The following CNTNAP2 variants were observed in gnomAD, a reference collection of about 807,000 sequenced individuals.
CNTNAP2 encodes the protein contactin-associated protein-like 2.
CNTNAP2 carries 98 observed loss-of-function variants against 155.2 expected under a neutral mutation model. That is an observed-to-expected ratio of 0.63 (90% CI 0.54 to 0.75). The LOEUF (loss-of-function observed/expected upper bound fraction) is 0.75, where lower values mean the gene tolerates loss of function less well. Among genes scored for constraint, CNTNAP2 ranks in the 30% least tolerant of loss-of-function variants. The pLI, the probability that CNTNAP2 is intolerant of heterozygous loss-of-function variation, is 0.00. For missense variants in CNTNAP2, 1,727 were observed against 1,688.1 expected (o/e 1.02, Z -0.40); for synonymous variants, 651 against 631.2 (o/e 1.03, Z -0.47).
intron 19 of CNTNAP2, among the ~76,000 whole-genome samples, chr7:148,221,707 G>T (rs1263333499): frequency 7.2e-5 from 11 of 152,068 alleles, no homozygotes; most frequent in Non-Finnish European, 1.5e-5. Context: ...TTCACATATC[G>T]AAAGCTCTGC....
intron 3 of CNTNAP2, among the ~76,000 whole-genome samples, chr7:146,949,763 T>A (rs1797269624): frequency 6.6e-6 from 1 of 152,182 alleles, no homozygotes; most frequent in African/African-American, 2.4e-5. Flanking sequence ...TGCTTTGATG[T>A]TGAGGCACTT....
In CNTNAP2 at chr7:146,539,607, A is replaced by C. The variant is rs571561182; in HGVS notation, c.98-234664A>C. Among the ~76,000 whole-genome samples the C allele has an allele frequency of 3.3e-5, 5 of 152,214 alleles. No homozygotes were observed. The East Asian group carries it at 9.7e-4, about 29-fold the overall frequency. On this transcript the variant is annotated intron_variant, in intron 1 of 23. Transcript: ENST00000361727. ...GACTAAATTGTGCATCTTATGGAGC[A>C]GTGCTGTTTGTTTTCTTTTAACCTG...
intron 15 of CNTNAP2, among the ~76,000 whole-genome samples, chr7:148,102,335 T>C (rs1804118376): frequency 6.6e-6 from 1 of 152,248 alleles, no homozygotes; most frequent in Admixed American, 6.5e-5. Context: ...TAGTATTCCA[T>C]GGTGTATATG....
intron 1 of CNTNAP2, among the ~76,000 whole-genome samples, chr7:146,690,469 T>C (rs903468287): frequency 1.3e-5 from 2 of 152,200 alleles, no homozygotes; most frequent in African/African-American, 4.8e-5. Context: ...CACAAGTCTA[T>C]TGAAACATGA....
chr7:147,224,127 TG>T (rs779326087), intron 8 of CNTNAP2, among the ~76,000 whole-genome samples: 1 of 152,096 alleles, frequency 6.6e-6, no homozygotes, highest in Non-Finnish European at 1.5e-5. Flanking sequence ...CTCTTTAATC[TG>T]GGGGGCAGCA....
chr7:146,912,609 A>G (rs1283280074), intron 3 of CNTNAP2, among the ~76,000 whole-genome samples: 5 of 152,076 alleles, frequency 3.3e-5, no homozygotes, highest in Admixed American at 2.6e-4. Flanking sequence ...TTTATTTGTA[A>G]TATCCCCTTT....
At chr7:147,599,033 C>T (rs917028523) in intron 12 of CNTNAP2, among the ~76,000 whole-genome samples, 3 of 151,998 alleles carry the variant, frequency 2.0e-5, no homozygotes, top group African/African-American at 7.3e-5. Flanking sequence ...ATTAGCAGCT[C>T]GAGAATGAAC....
intron 1 of CNTNAP2, among the ~76,000 whole-genome samples, chr7:146,217,880 C>A (rs954363293): frequency 2.0e-5 from 3 of 152,078 alleles, no homozygotes; most frequent in African/African-American, 7.2e-5. Flanking sequence ...TAATGTTGTT[C>A]CCCTCTTAAC....
intron 1 of CNTNAP2, among the ~76,000 whole-genome samples, chr7:146,698,448 T>C (rs1800820471): frequency 6.6e-6 from 1 of 152,146 alleles, no homozygotes; most frequent in Admixed American, 6.6e-5. Context: ...TATTTGTTTT[T>C]ATTTAAATAT....
chr7:147,585,452 TTA>T (rs1433173420), intron 12 of CNTNAP2, among the ~76,000 whole-genome samples: 1 of 149,424 alleles, frequency 6.7e-6, no homozygotes, highest in Admixed American at 6.7e-5. Flanking sequence ...TTGTATACAA[TTA>T]TATATGTGTA....
At chr7:146,351,566 A>T (rs1052810476) in intron 1 of CNTNAP2, among the ~76,000 whole-genome samples, 3 of 152,142 alleles carry the variant, frequency 2.0e-5, no homozygotes, top group African/African-American at 7.2e-5. Flanking sequence ...TAGAAAGTTT[A>T]CCTGTATCAT....
chr7:147,490,792 C>T (rs1798594695), intron 11 of CNTNAP2, among the ~76,000 whole-genome samples: 1 of 152,116 alleles, frequency 6.6e-6, no homozygotes, highest in African/African-American at 2.4e-5. Context: ...AGGGGTTTGA[C>T]TCACAGTTCC....
At chr7:147,347,500 A>ATATATATGCATATATATG (rs1795898083) in intron 9 of CNTNAP2, among the ~76,000 whole-genome samples, 1 of 121,346 alleles carries the variant, frequency 8.2e-6, no homozygotes, top group African/African-American at 2.7e-5. Context: ...ATGCATATAT[A>ATATATATGCATATATATG]TGTGTGTGTG....
chr7:146,306,690 A>G (rs1365715919), intron 1 of CNTNAP2, among the ~76,000 whole-genome samples: 3 of 152,204 alleles, frequency 2.0e-5, no homozygotes, highest in African/African-American at 7.2e-5. Context: ...ACACAAATCA[A>G]TAAATGTAAT....
intron 12 of CNTNAP2, among the ~76,000 whole-genome samples, chr7:147,608,060 A>G (rs1192233663): frequency 6.6e-6 from 1 of 152,090 alleles, no homozygotes; most frequent in Non-Finnish European, 1.5e-5. Context: ...TTTGTTATTC[A>G]TCTTCACGTG....
intron 1 of CNTNAP2, among the ~76,000 whole-genome samples, chr7:146,310,550 G>T (rs1800801904): frequency 1.3e-5 from 2 of 151,652 alleles, no homozygotes; most frequent in African/African-American, 4.8e-5. Flanking sequence ...GTCTTCTTTG[G>T]CTATTTTGAT....
At chr7:146,601,661 T>C (rs922605380) in intron 1 of CNTNAP2, among the ~76,000 whole-genome samples, 1 of 152,142 alleles carries the variant, frequency 6.6e-6, no homozygotes, top group African/African-American at 2.4e-5. Flanking sequence ...TGCGAAATTA[T>C]GTTGAAGAAA....
chr7:146,775,797 T>C (rs542596381), intron 2 of CNTNAP2, among the ~76,000 whole-genome samples: 2 of 151,998 alleles, frequency 1.3e-5, no homozygotes, highest in South Asian at 2.1e-4. Flanking sequence ...TACAGAATAA[T>C]ATATAAGGTA....
intron 10 of CNTNAP2, among the ~76,000 whole-genome samples, chr7:147,428,716 A>G (rs1158120951): frequency 3.3e-5 from 5 of 152,182 alleles, no homozygotes; most frequent in Non-Finnish European, 7.4e-5. Context: ...CAAGAGGAAG[A>G]ATCCCCCTGT....
Sources: allele counts gnomAD v4.1 joint callset (sites outside exome capture counted in the v4.1 genomes callset), GRCh38; gene constraint gnomAD v4.1.1; transcripts MANE v1.5; gene names NCBI Gene and HGNC (gene_info 2026-07-23, HGNC 2026-07-21).